The following TEX36 variants were observed in gnomAD, a reference collection of about 807,000 sequenced individuals.
The protein encoded by TEX36 is testis-expressed protein 36.
TEX36 carries 12 observed loss-of-function variants against 13.6 expected under a neutral mutation model. The observed-to-expected ratio is 0.88, with a 90% CI of 0.56 to 1.43. TEX36 has a LOEUF of 1.43. Ranked by LOEUF, TEX36 falls within the 40% of genes most tolerant of loss-of-function variation. The pLI, the probability that TEX36 is intolerant of heterozygous loss-of-function variation, is 0.00. For synonymous variants in TEX36, 93 were observed against 83.0 expected (o/e 1.12, Z -0.65); for missense variants, 224 against 228.3 (o/e 0.98, Z 0.12).
At chr10:125,635,572 G>A (rs1846613217) in intron 3 of TEX36, among the ~76,000 whole-genome samples, 1 of 152,142 alleles carries the variant, frequency 6.6e-6, no homozygotes, top group Non-Finnish European at 1.5e-5. Flanking sequence ...AGGGCATCTC[G>A]TGCTGGGGTG....
intron 3 of TEX36, among the ~76,000 whole-genome samples, chr10:125,639,628 G>T: frequency 6.6e-6 from 1 of 152,096 alleles, no homozygotes; most frequent in Admixed American, 6.5e-5. Flanking sequence ...GCTGAGGGTG[G>T]GAGGGGCTGT....
At chr10:125,680,341 G>A (rs1458921427) in intron 1 of TEX36, among the ~76,000 whole-genome samples, 1 of 152,144 alleles carries the variant, frequency 6.6e-6, no homozygotes, top group African/African-American at 2.4e-5. Flanking sequence ...CAGCAGGTCT[G>A]TAGACTAAAT....
chr10:125,602,773 A>G (rs1846165297), intron 3 of TEX36, among the ~76,000 whole-genome samples: 4 of 152,224 alleles, frequency 2.6e-5, no homozygotes, highest in African/African-American at 7.2e-5. Flanking sequence ...TTAAAATTCT[A>G]TGTGTTTATA....
rs571338716 is a variant in TEX36 at position 125,647,139 on chromosome 10, AC to A, written c.264+13881del. The stretch of plus-strand genomic sequence containing the variant: ...TCCATTGATATACCTTATTATATTA[AC>A]ATATTAATATAGAAAAACATAAAAT... On this transcript the variant is annotated intron_variant, in intron 3 of 3. Transcript: ENST00000526819. Among the ~76,000 whole-genome samples the A allele has an allele frequency of 1.2e-3, 185 of 152,368 alleles. 1 individual carries two copies. Among genetic ancestry groups the A allele is most frequent in the African/African-American group, 4.2e-3 (175 of 41,584 alleles).
intron 3 of TEX36, among the ~76,000 whole-genome samples, chr10:125,604,212 G>A (rs1846186753): frequency 6.6e-6 from 1 of 152,108 alleles, no homozygotes; most frequent in Non-Finnish European, 1.5e-5. Flanking sequence ...CACACAGCAG[G>A]AGCCCAGATG....
downstream of TEX36, among the ~76,000 whole-genome samples, chr10:125,652,256 C>G (rs1383160901): frequency 1.3e-5 from 2 of 151,704 alleles, no homozygotes; most frequent in Admixed American, 1.3e-4. Context: ...CTACAAGTAA[C>G]CAAAACAGCA....
intron 3 of TEX36, among the ~76,000 whole-genome samples, chr10:125,631,278 T>C (rs1846550420): frequency 6.6e-6 from 1 of 152,194 alleles, no homozygotes; most frequent in Non-Finnish European, 1.5e-5. Flanking sequence ...TTTTTTTAAA[T>C]GAGTATTTTG....
chr10:125,624,153 G>C (rs550143979), intron 3 of TEX36, among the ~76,000 whole-genome samples: 2 of 152,306 alleles, frequency 1.3e-5, no homozygotes, highest in African/African-American at 4.8e-5. Flanking sequence ...AGAAAGGCAA[G>C]TTAATCTTAG....
intron 3 of TEX36, among the ~76,000 whole-genome samples, chr10:125,650,277 T>G (rs1029173655): frequency 1.3e-5 from 2 of 152,026 alleles, no homozygotes; most frequent in African/African-American, 4.8e-5. Flanking sequence ...TGTAAAAGAA[T>G]AGAAATTATA....
chr10:125,627,955 TG>T (rs777400360), intron 3 of TEX36, among the ~76,000 whole-genome samples: 2 of 152,240 alleles, frequency 1.3e-5, no homozygotes, highest in African/African-American at 4.8e-5. Context: ...TTAAGAGACT[TG>T]TCCAGGCTAA....
At position 125,679,138 on chromosome 10, in the gene TEX36, A is replaced by AC. The variant is rs752996338; in HGVS notation, c.51+3800dup. On this transcript the variant is annotated intron_variant, in intron 1 of 3. Coordinates refer to ENST00000368821, the MANE Select transcript of TEX36 (RefSeq NM_001128202.3). Reference sequence around the variant, plus strand: ...TCCCCTTGGCTCTGGCTACAGGAGCACCCCCCCCGCCCCCGCCAAGCTGAC... The same window carrying AC: ...TCCCCTTGGCTCTGGCTACAGGAGCACCCCCCCCCGCCCCCGCCAAGCTGAC... Among the ~76,000 whole-genome samples, 876 of 110,936 alleles carry AC rather than the reference A, an allele frequency of 7.9e-3. 34 individuals are homozygous for AC. The highest frequency in any genetic ancestry group is 0.02 in the East Asian group (63 of 3,162). The allele number at this position is 110,936 out of a possible 152,430, so 72.8% of individuals were successfully genotyped here. A position where few individuals can be genotyped will look rare whatever the true frequency, so the allele number is the denominator to read the frequency against.
At chr10:125,583,372 G>T (rs1288528030) in intron 3 of TEX36, among the ~76,000 whole-genome samples, 1 of 152,230 alleles carries the variant, frequency 6.6e-6, no homozygotes, top group East Asian at 1.9e-4. Context: ...GGCATGGTCT[G>T]TGTTTTCAAG....
chr10:125,621,534 C>T (rs1846429510), downstream of TEX36: 2 of 449,814 alleles, frequency 4.4e-6, no homozygotes, highest in African/African-American at 2.0e-5. Flanking sequence ...TTAGTCAGGG[C>T]TCTCCAGAGA....
At chr10:125,634,811 A>G (rs1334932043) in intron 3 of TEX36, among the ~76,000 whole-genome samples, 3 of 152,314 alleles carry the variant, frequency 2.0e-5, no homozygotes, top group Admixed American at 2.0e-4. Context: ...CATTGAGGGT[A>G]GATAGAGTGA....
intron 3 of TEX36, among the ~76,000 whole-genome samples, chr10:125,616,139 C>T (rs965444807): frequency 6.6e-6 from 1 of 152,016 alleles, no homozygotes; most frequent in Non-Finnish European, 1.5e-5. Flanking sequence ...ATCCCCTTTA[C>T]CATTTTTTAT....
chr10:125,637,735 C>T (rs533208353), intron 3 of TEX36, among the ~76,000 whole-genome samples: 181 of 152,240 alleles, frequency 1.2e-3, no homozygotes, highest in Non-Finnish European at 1.9e-3. Context: ...TGGTGAGCTC[C>T]CCAGGAGATT....
chr10:125,661,217 C>A (rs1046751296), intron 2 of TEX36, 116 bp from the exon 3 acceptor site: 1 of 786,972 alleles, frequency 1.3e-6, no homozygotes, highest in Non-Finnish European at 2.2e-6. Flanking sequence ...CTAAGAAAGA[C>A]AATGAAACCT....
At chr10:125,636,229 A>T (rs1187335795) in intron 3 of TEX36, among the ~76,000 whole-genome samples, 1 of 139,800 alleles carries the variant, frequency 7.2e-6, no homozygotes, top group Non-Finnish European at 1.5e-5. Flanking sequence ...TTTTTGAGAC[A>T]GAGTCTTGCT....
At chr10:125,670,656 ATTTGT>A (rs1187094636) in intron 1 of TEX36, among the ~76,000 whole-genome samples, 4 of 152,078 alleles carry the variant, frequency 2.6e-5, no homozygotes, top group Non-Finnish European at 5.9e-5. Context: ...ATCATGTAAT[ATTTGT>A]TTGCCCTTTC....
Sources: gnomAD v4.1 joint callset for allele counts (sites outside exome capture counted in the v4.1 genomes callset) on GRCh38, gnomAD v4.1.1 for gene constraint, MANE v1.5 for transcripts, NCBI Gene and HGNC (gene_info 2026-07-23, HGNC 2026-07-21) for gene names.